Variants in CNPY1 observed in about 807,000 individuals in gnomAD.
CNPY1 encodes protein canopy homolog 1.
Under a neutral mutation model 14.4 loss-of-function variants are expected in CNPY1, and 14 were observed. The observed-to-expected ratio is 0.97, with a 90% confidence interval of 0.64 to 1.52. The LOEUF (loss-of-function observed/expected upper bound fraction) is 1.52, where lower values mean the gene tolerates loss of function less well. CNPY1 is among the 40% of genes most tolerant of loss of function. The pLI is 0.00. For missense variants in CNPY1, 129 were observed against 131.5 expected (o/e 0.98, Z 0.09); for synonymous variants, 43 against 46.5 (o/e 0.92, Z 0.31).
chr7:155,524,789 C>A (rs1432654153), intron 2 of CNPY1, among the ~76,000 whole-genome samples: 5 of 148,274 alleles, frequency 3.4e-5, no homozygotes, highest in Middle Eastern at 3.4e-3. Flanking sequence ...CCCCCACCCT[C>A]CCTGGTCATT....
intron 2 of CNPY1, among the ~76,000 whole-genome samples, chr7:155,509,957 C>T (rs12537340): frequency 0.028 from 4,197 of 152,174 alleles, 87 homozygotes; most frequent in Admixed American, 0.042. Context: ...CCCCGCGGCT[C>T]CTTCCGGAAG....
chr7:155,519,522 AAAAT>A (rs58372261), intron 2 of CNPY1, among the ~76,000 whole-genome samples: 2,788 of 141,076 alleles, frequency 0.02, 32 homozygotes, highest in East Asian at 0.035. Flanking sequence ...CCCTGTCTCA[AAAAT>A]AAATAAATAA....
intron 2 of CNPY1, among the ~76,000 whole-genome samples, chr7:155,541,506 A>G (rs1797083773): frequency 6.6e-6 from 1 of 152,160 alleles, no homozygotes; most frequent in African/African-American, 2.4e-5. Flanking sequence ...TACAATAATG[A>G]GCCTTATTTT....
chr7:155,524,900 T>G (rs563205945), intron 2 of CNPY1, among the ~76,000 whole-genome samples: 1 of 149,626 alleles, frequency 6.7e-6, no homozygotes. Flanking sequence ...TAGGGACCAC[T>G]GTTCTAAGGG....
At position 155,536,832 on chromosome 7, in the gene CNPY1, A is replaced by T. The variant is rs1254935997; in HGVS notation, c.99+8999T>A. Reference sequence around the variant, plus strand: ...CCACACTGACACCAGGCAGTGTATGATACTTAAACTATTCTGACAAACACC... The same window carrying T: ...CCACACTGACACCAGGCAGTGTATGTTACTTAAACTATTCTGACAAACACC... On this transcript the variant is annotated intron_variant, in intron 2 of 4. Coordinates refer to ENST00000636446, the MANE Select transcript of CNPY1 (RefSeq NM_001393663.1). The surrounding 1 kb of genome is among the most constrained non-coding windows in gnomAD (Gnocchi z 4.1). Among the ~76,000 whole-genome samples the T allele has an allele frequency of 6.6e-6, 1 of 152,226 alleles. No individual in the cohort carries two copies. Among genetic ancestry groups the T allele is most frequent in the South Asian group, 2.1e-4 (1 of 4,836 alleles).
chr7:155,541,481 G>A (rs563829178), intron 2 of CNPY1, among the ~76,000 whole-genome samples: 1 of 152,308 alleles, frequency 6.6e-6, no homozygotes, highest in East Asian at 1.9e-4. Flanking sequence ...GAGCTAGCTT[G>A]AGAATGATGT....
intron 2 of CNPY1, 43 bp from the exon 3 acceptor site, chr7:155,509,140 T>C (rs1796435412): frequency 1.1e-5 from 14 of 1,258,142 alleles, no homozygotes; most frequent in Non-Finnish European, 1.3e-5. Context: ...TTAATGTTAA[T>C]GTTACTTCAA....
At position 155,501,458 on chromosome 7, in the gene CNPY1, T is replaced by C. The variant is rs913893046; in HGVS notation, c.*1610A>G. The C allele has an allele frequency of 6.6e-6, 1 of 152,226 alleles. No individual in the cohort carries two copies. The highest frequency in any genetic ancestry group is 1.9e-4 in the East Asian group (1 of 5,202). 9.4% of individuals were successfully genotyped at this position (152,226 alleles called of 1,614,324 possible). On this transcript the variant is annotated 3_prime_UTR_variant, in exon 5 of 5. Coordinates refer to ENST00000636446, the MANE Select transcript of CNPY1 (RefSeq NM_001393663.1). Reference sequence around the variant, plus strand: ...GGTTACGACCGTGAACAGTTTTCACTGAAGCTTACTTAGTGTCACAGGTCC... The same window carrying C: ...GGTTACGACCGTGAACAGTTTTCACCGAAGCTTACTTAGTGTCACAGGTCC...
intron 2 of CNPY1, among the ~76,000 whole-genome samples, chr7:155,523,289 C>T (rs1281679231): frequency 6.6e-6 from 1 of 152,164 alleles, no homozygotes; most frequent in Non-Finnish European, 1.5e-5. Flanking sequence ...TCTCATGTAC[C>T]GGAAACCGAC....
intron 2 of CNPY1, among the ~76,000 whole-genome samples, chr7:155,516,420 T>G (rs1796623219): frequency 6.6e-6 from 1 of 152,200 alleles, no homozygotes. Flanking sequence ...ACTTCCCAAG[T>G]GAGGACCCCA....
intron 2 of CNPY1, among the ~76,000 whole-genome samples, chr7:155,533,185 C>A (rs752354670): frequency 4.6e-5 from 7 of 152,160 alleles, no homozygotes; most frequent in Non-Finnish European, 8.8e-5. Flanking sequence ...GCCTCCCAAA[C>A]GGCGCGGCCT....
At chr7:155,543,435 A>G (rs1436171599) in intron 2 of CNPY1, among the ~76,000 whole-genome samples, 1 of 152,192 alleles carries the variant, frequency 6.6e-6, no homozygotes, top group Non-Finnish European at 1.5e-5. Context: ...ACACTGCCAG[A>G]TCCCCTACTT....
intron 2 of CNPY1, among the ~76,000 whole-genome samples, chr7:155,525,283 C>A (rs553342277): frequency 6.6e-6 from 1 of 152,230 alleles, no homozygotes; most frequent in South Asian, 2.1e-4. Flanking sequence ...TGGGTTCAAG[C>A]GATTCTCCTG....
At chr7:155,511,300 G>A (rs1490933623) in intron 2 of CNPY1, among the ~76,000 whole-genome samples, 2 of 152,184 alleles carry the variant, frequency 1.3e-5, no homozygotes, top group Non-Finnish European at 2.9e-5. Context: ...AATTCATGTT[G>A]AGTAGAGGCC....
chr7:155,538,142 T>A (rs1797044734), intron 2 of CNPY1, among the ~76,000 whole-genome samples: 1 of 152,214 alleles, frequency 6.6e-6, no homozygotes, highest in Non-Finnish European at 1.5e-5. Flanking sequence ...CCTGTGAACA[T>A]CATTTTCTTG....
chr7:155,523,456 C>T (rs1424931795), intron 2 of CNPY1, among the ~76,000 whole-genome samples: 2 of 152,210 alleles, frequency 1.3e-5, no homozygotes, highest in Non-Finnish European at 2.9e-5. Context: ...GGCACACTGC[C>T]GGCCACCAGG....
At chr7:155,526,190 TA>T (rs112696915) in intron 2 of CNPY1, among the ~76,000 whole-genome samples, 8 of 152,316 alleles carry the variant, frequency 5.3e-5, no homozygotes, top group Non-Finnish European at 8.8e-5. Flanking sequence ...TTCATCTTTG[TA>T]AAAAAGTGAC....
intron 2 of CNPY1, among the ~76,000 whole-genome samples, chr7:155,516,679 C>T (rs945009507): frequency 2.6e-5 from 4 of 152,172 alleles, no homozygotes; most frequent in South Asian, 2.1e-4. Flanking sequence ...CTCAGCTGAC[C>T]GGGAAGCTGG....
chr7:155,506,895 G>C, intron 4 of CNPY1, 125 bp downstream of exon 4: 1 of 678,374 alleles, frequency 1.5e-6, no homozygotes, highest in South Asian at 1.6e-5. Flanking sequence ...GGAGACGGGG[G>C]ATCCTGTGTC....
Sources: gnomAD v4.1 joint callset for allele counts (sites outside exome capture counted in the v4.1 genomes callset) on GRCh38, gnomAD v4.1.1 for gene constraint, Gnocchi (gnomAD v3.1) non-coding constraint, MANE v1.5 for transcripts, NCBI Gene and HGNC (gene_info 2026-07-23, HGNC 2026-07-21) for gene names.